MICALL2: variants seen among roughly 807,000 people sequenced by gnomAD.
MICALL2 encodes MICAL like 2, also known as MICAL-like protein 2.
In MICALL2, 111 loss-of-function variants were observed where a neutral mutation model predicts 91.1. The observed-to-expected ratio is 1.22, with a 90% CI of 1.04 to 1.43. The LOEUF (loss-of-function observed/expected upper bound fraction) is 1.43, where lower values mean the gene tolerates loss of function less well. Among genes scored for constraint, MICALL2 ranks in the 40% most tolerant of loss-of-function variants. The pLI, the probability that MICALL2 is intolerant of heterozygous loss-of-function variation, is 0.00. For synonymous variants in MICALL2, 694 were observed against 525.3 expected, an observed-to-expected ratio of 1.32 and a Z score of -4.39; for missense variants, 1,556 against 1,236.0, an observed-to-expected ratio of 1.26 and a Z score of -3.88.
chr7:1,440,119 A>AC lies in MICALL2; in HGVS notation c.1806-35dup, dbSNP rs758331489. ...AAGGCATGAGGTCGGAACCCGAACC[A>AC]CCAGCCCCAGGGCCTGGCCCACCTG... On this transcript the variant is annotated intron_variant, in intron 8 of 16. Coordinates refer to ENST00000297508, the MANE Select transcript of MICALL2 (RefSeq NM_182924.4). The AC allele has an allele frequency of 1.9e-6, 3 of 1,557,692 alleles. No individual in the cohort carries two copies. In the African/African-American group the frequency reaches 4.9e-5, roughly 25 times the overall value.
intron 6 of MICALL2, among the ~76,000 whole-genome samples, chr7:1,442,992 T>G (rs1311630063): frequency 1.3e-5 from 2 of 151,960 alleles, no homozygotes; most frequent in African/African-American, 4.8e-5. Context: ...CCTTCCTGCC[T>G]TCCCTCAGGC....
rs1780055310 is a variant in MICALL2 at position 1,437,942 on chromosome 7, G to A, written c.2350C>T (p.Leu784Phe). ...AGCAGAAGCTGCTTCTCGTGAATGA[G>A]CCAGAACCAGTCCACCATGAGGCTA... The part of the protein sequence containing the change: ...EDSLMVDWFW[L>F]IHEKQLLLRQ... The change falls in exon 13 of 17, where the codon CTC becomes TTC. Residue 784 changes from leucine to phenylalanine, a missense_variant. By Grantham distance (22) the Leu-to-Phe change is conservative. Transcript: ENST00000297508. The A allele has an allele frequency of 6.5e-7, 1 of 1,549,910 alleles. No homozygotes were observed. The highest frequency in any genetic ancestry group is 8.7e-7 in the Non-Finnish European group (1 of 1,147,110).
At position 1,438,003 on chromosome 7, in the gene MICALL2, G is replaced by T. The variant is rs1176780253; in HGVS notation, c.2312-23C>A. On this transcript the variant is annotated intron_variant, in intron 12 of 16. Coordinates refer to ENST00000297508, the MANE Select transcript of MICALL2 (RefSeq NM_182924.4). ...CATCTGGGGAGAGGAGCCAGCTGGG[G>T]CAGGGGGGCCCGCCAGAGTTCATGG... is the stretch of plus-strand genomic sequence containing the variant. 1.9e-6 allele frequency: 3 copies of T among 1,550,576 alleles called. No homozygotes were observed. The South Asian group carries it at 3.6e-5, about 18-fold the overall frequency.
At position 1,456,140 on chromosome 7, in the gene MICALL2, G is replaced by A. The variant is rs1271695259; in HGVS notation, c.143+3044C>T. Among the ~76,000 whole-genome samples the A allele has an allele frequency of 2.6e-5, 4 of 152,050 alleles. No homozygotes were observed. In the South Asian group the frequency reaches 8.3e-4, roughly 32 times the overall value. ...GGCAGGCACGTCCAAAGAGCCAGGG[G>A]CCAGGCGCGGCGGCTCACATCTGTA... On this transcript the variant is annotated intron_variant, in intron 1 of 16. Transcript: ENST00000297508.
intron 14 of MICALL2, 109 bp downstream of exon 14, chr7:1,437,426 G>A (rs1780026545): frequency 1.0e-6 from 1 of 956,322 alleles, no homozygotes; most frequent in Non-Finnish European, 1.5e-6. Flanking sequence ...CTCCAGGGAA[G>A]GTCTCACCAC....
chr7:1,450,874 T>G (rs1433667965), intron 1 of MICALL2, among the ~76,000 whole-genome samples: 2 of 152,060 alleles, frequency 1.3e-5, no homozygotes, highest in African/African-American at 2.4e-5. Flanking sequence ...CAGTGAAGGG[T>G]GTCCTTCTCA....
At position 1,444,713 on chromosome 7, in the gene MICALL2, G is replaced by A. The variant is rs756546164; in HGVS notation, c.1357C>T (p.Arg453Trp). Residue 453 changes from arginine to tryptophan, a missense_variant, in exon 6 of 17, where the codon CGG becomes TGG. Transcript: ENST00000297508. Reference protein sequence around the residue: ...LSKDSSKEQARNFLKQALSAL... With the variant: ...LSKDSSKEQAWNFLKQALSAL... ...GAGAGGGCCTGCTTGAGGAAGTTCC[G>A]CGCCTGCTCCTTGCTGCTGTCCTTG... 3.3e-5 allele frequency: 53 copies of A among 1,612,374 alleles called. No individual in the cohort carries two copies. The East Asian group carries it at 4.2e-4, about 13-fold the overall frequency.
chr7:1,445,216 G>C lies in MICALL2; in HGVS notation c.854C>G (p.Ser285Trp), dbSNP rs189001253. The C allele has an allele frequency of 6.2e-7, 1 of 1,606,394 alleles. No individual in the cohort carries two copies. The highest frequency in any genetic ancestry group is 8.5e-7 in the Non-Finnish European group (1 of 1,177,236). Residue 285 changes from serine (S) to tryptophan (W), a missense_variant, in exon 6 of 17, where the codon TCG becomes TGG. By Grantham distance (177) the Ser-to-Trp change is radical. Coordinates refer to ENST00000297508, the MANE Select transcript of MICALL2 (RefSeq NM_182924.4). ...GTTGCCCGCAGCAGGCTCCCAGGCC[G>C]ACGGTCTGGCCTTGTTTGCCTCCTG... ...KAQEANKARP[S>W]AWEPAAGNSP...
At chr7:1,436,012 C>T (rs1001788873) in intron 15 of MICALL2, among the ~76,000 whole-genome samples, 5 of 149,896 alleles carry the variant, frequency 3.3e-5, no homozygotes, top group Non-Finnish European at 7.4e-5. Flanking sequence ...AGATTGCGGC[C>T]ACTGCACTCC....
chr7:1,439,889 G>A (rs994858514), intron 9 of MICALL2, 36 bp downstream of exon 9: 45 of 1,393,636 alleles, frequency 3.2e-5, no homozygotes, highest in Non-Finnish European at 3.9e-5. Flanking sequence ...GGCCAGCTAG[G>A]CAACCCGGGG....
At chr7:1,449,715 G>C (rs923998250) in intron 2 of MICALL2, among the ~76,000 whole-genome samples, 2 of 152,244 alleles carry the variant, frequency 1.3e-5, no homozygotes, top group Non-Finnish European at 2.9e-5. Context: ...CGCGTGGTGA[G>C]TCTGCCGGTG....
intron 2 of MICALL2, among the ~76,000 whole-genome samples, chr7:1,449,221 C>T (rs551993464): frequency 5.9e-5 from 9 of 152,114 alleles, no homozygotes; most frequent in Non-Finnish European, 8.8e-5. Context: ...CAGCCCACGC[C>T]GTCCAGCCCA....
Position 1,439,941 on chromosome 7 carries a change from T to G in MICALL2, c.1950A>C (p.Pro650=). The G allele has an allele frequency of 6.7e-7, 1 of 1,486,812 alleles. No individual in the cohort carries two copies. Among genetic ancestry groups the G allele is most frequent in the Non-Finnish European group, 8.9e-7 (1 of 1,126,610 alleles). The allele number at this position is 1,486,812 out of a possible 1,614,324, so 92.1% of individuals were successfully genotyped here. ...CAGGAGTACCTGGGAGGCTGGGTCC[T>G]GGGCTGGCTGGGCGTGGGGTCCTGT... ...RPDRTPRPAS[P]GPSLPARSPS... The change falls in exon 9 of 17, where the codon CCA becomes CCC. Residue 650 remains proline (P), a synonymous_variant. Transcript: ENST00000297508.
intron 14 of MICALL2, 158 bp downstream of exon 14, chr7:1,437,377 G>A (rs1235701517): frequency 1.6e-6 from 1 of 636,250 alleles, no homozygotes; most frequent in African/African-American, 1.9e-5. Context: ...ACACAGCCAG[G>A]AGGTGGGAGA....
intron 5 of MICALL2, 48 bp from the exon 6 acceptor site, chr7:1,445,476 G>A (rs987188838): frequency 5.6e-5 from 80 of 1,433,998 alleles, no homozygotes; most frequent in Admixed American, 7.8e-5. Flanking sequence ...CGCCCACCCC[G>A]CCACGCATTC....
intron 6 of MICALL2, among the ~76,000 whole-genome samples, chr7:1,442,959 G>C (rs1047296541): frequency 5.9e-5 from 9 of 152,154 alleles, no homozygotes; most frequent in Non-Finnish European, 1.2e-4. Flanking sequence ...CACAGACACA[G>C]GGCCAGACAC....
chr7:1,442,646 C>T (rs994272356), intron 6 of MICALL2, among the ~76,000 whole-genome samples, 162 bp from the exon 7 acceptor site: 5 of 147,328 alleles, frequency 3.4e-5, no homozygotes, highest in Admixed American at 6.7e-5. Context: ...CCCACCATTG[C>T]GCCAGGCCAC....
At chr7:1,444,449 G>A (rs1377958299) in intron 6 of MICALL2, among the ~76,000 whole-genome samples, 6 of 152,166 alleles carry the variant, frequency 3.9e-5, no homozygotes, top group South Asian at 2.1e-4. Flanking sequence ...ATAAGGACCC[G>A]GCTTCCACCA....
chr7:1,436,385 A>AAAC (rs1779964765), intron 15 of MICALL2, among the ~76,000 whole-genome samples: 1 of 149,002 alleles, frequency 6.7e-6, no homozygotes, highest in African/African-American at 2.5e-5. Flanking sequence ...TTCGTCTCAA[A>AAAC]AAAAACAAAA....
Sources: gnomAD v4.1 joint callset for allele counts (sites outside exome capture counted in the v4.1 genomes callset) on GRCh38, gnomAD v4.1.1 for gene constraint, MANE v1.5 for transcripts, NCBI Gene and HGNC (gene_info 2026-07-23, HGNC 2026-07-21) for gene names.